The following PLOD3 variants were observed in gnomAD, a reference collection of about 807,000 sequenced individuals.
PLOD3 encodes procollagen-lysine,2-oxoglutarate 5-dioxygenase 3.
Under a neutral mutation model 96.9 loss-of-function variants are expected in PLOD3, and 73 were observed. The ratio of observed to expected loss-of-function variants is 0.75; its 90% confidence interval spans 0.62 to 0.92. The LOEUF is 0.92. Ranked by LOEUF, PLOD3 falls within the 40% of genes least tolerant of loss-of-function variation. PLOD3 has a pLI of 0.00. For missense variants in PLOD3, 1,004 were observed against 1,004.3 expected (o/e 1.00, Z 0.00); for synonymous variants, 454 against 413.7 (o/e 1.10, Z -1.18).
At position 101,217,471 on chromosome 7, in the gene PLOD3, C is replaced by G. The variant is rs1798298172; in HGVS notation, c.-197G>C. 1.9e-6 allele frequency: 1 copy of G among 515,088 alleles called. No homozygotes were observed. Among genetic ancestry groups the G allele is most frequent in the African/African-American group, 2.0e-5 (1 of 49,562 alleles). 31.9% of individuals were successfully genotyped at this position (515,088 alleles called of 1,614,324 possible). ...CAGAAAGCTCCAGATGCCGGCGCCA[C>G]AGACAAGGCGAGGATTGTCCCGGGC... is the stretch of plus-strand genomic sequence containing the variant. On this transcript the variant is annotated 5_prime_UTR_variant, in exon 1 of 19. Transcript: ENST00000223127.
chr7:101,210,679 G>A lies in PLOD3; in HGVS notation c.1359-6C>T. 2 of 1,613,562 alleles carry A rather than the reference G, an allele frequency of 1.2e-6. No individual in the cohort carries two copies. Among genetic ancestry groups the A allele is most frequent in the Non-Finnish European group, 1.7e-6 (2 of 1,179,806 alleles). ...ATGGTACATTCCACACACCCCTGGA[G>A]GCACCGACACCGCGGTCAGCTGGGA... On this transcript the variant is annotated splice_polypyrimidine_tract_variant and splice_region_variant and intron_variant, in intron 12 of 18. Coordinates refer to ENST00000223127, the MANE Select transcript of PLOD3 (RefSeq NM_001084.5).
chr7:101,212,425 C>A (rs368592873), intron 9 of PLOD3, 51 bp from the exon 10 acceptor site: 10 of 1,600,382 alleles, frequency 6.2e-6, no homozygotes, highest in South Asian at 2.2e-5. Context: ...GGAGGCGGCA[C>A]CTGAGGGATG....
Position 101,217,475 on chromosome 7 carries a change from C to A in PLOD3, c.-201G>T. 1 of 513,952 alleles carries A rather than the reference C, an allele frequency of 1.9e-6. No individual in the cohort carries two copies. The allele number at this position is 513,952 out of a possible 1,614,324, so 31.8% of individuals were successfully genotyped here. A position where few individuals can be genotyped will look rare whatever the true frequency, so the allele number is the denominator to read the frequency against. ...AAGCTCCAGATGCCGGCGCCACAGA[C>A]AAGGCGAGGATTGTCCCGGGCGCAC... is the stretch of plus-strand genomic sequence containing the variant. On this transcript the variant is annotated 5_prime_UTR_variant, in exon 1 of 19. Coordinates refer to ENST00000223127, the MANE Select transcript of PLOD3 (RefSeq NM_001084.5).
rs1444161633 is a variant in PLOD3, at chr7:101,217,248, C to A, written c.27G>T (p.Arg9=). ...GCAGCAGCGGCAGCAGCAGCAGGAACCGGGGTCCAGGCCCCGAGGAGGTCA... is the reference window on the plus strand; with the variant it reads ...GCAGCAGCGGCAGCAGCAGCAGGAAACGGGGTCCAGGCCCCGAGGAGGTCA... MTSSGPGP[R]FLLLLPLLLP... The change falls in exon 1 of 19, where the codon CGG becomes CGT. Residue 9 remains arginine, a synonymous_variant. Transcript: ENST00000223127. 13 of 1,495,832 alleles carry A rather than the reference C, an allele frequency of 8.7e-6. No individual in the cohort carries two copies. In the African/African-American group the frequency reaches 1.0e-4, roughly 12 times the overall value. 92.7% of individuals were successfully genotyped at this position (1,495,832 alleles called of 1,614,324 possible). A position where few individuals can be genotyped will look rare whatever the true frequency, so the allele number is the denominator to read the frequency against.
chr7:101,212,430 G>A lies in PLOD3; in HGVS notation c.1006-56C>T. 3.1e-6 allele frequency: 5 copies of A among 1,596,772 alleles called. No homozygotes were observed. The South Asian group carries it at 3.3e-5, about 11-fold the overall frequency. On this transcript the variant is annotated intron_variant, in intron 9 of 18. Transcript: ENST00000223127. ...CAGAGGGCAGGGAGGCGGCACCTGAGGGATGGGGGTGCAGGAAGGAGATGG... is the reference window on the plus strand; with the variant it reads ...CAGAGGGCAGGGAGGCGGCACCTGAAGGATGGGGGTGCAGGAAGGAGATGG...
chr7:101,215,934 G>A lies in PLOD3; in HGVS notation c.589C>T (p.Arg197Trp), dbSNP rs768748003. The A allele has an allele frequency of 9.3e-6, 15 of 1,613,210 alleles. No homozygotes were observed. The highest frequency in any genetic ancestry group is 1.7e-5 in the Admixed American group (1 of 60,010). The stretch of plus-strand genomic sequence containing the variant: ...CTCAGTCCTGGGTCCAGGTAGAGCC[G>A]TGTGTAGAACAGCTGGTCGTCGTCA... Reference protein sequence around the residue: ...DDDDDQLFYTRLYLDPGLREK... With the variant: ...DDDDDQLFYTWLYLDPGLREK... The change falls in exon 5 of 19, where the codon CGG becomes TGG. Residue 197 changes from arginine to tryptophan, a missense_variant. Coordinates refer to ENST00000223127, the MANE Select transcript of PLOD3 (RefSeq NM_001084.5).
At chr7:101,209,553 T>G (rs112481136) in intron 15 of PLOD3, among the ~76,000 whole-genome samples, 37 of 4,332 alleles carry the variant, frequency 8.5e-3, no homozygotes, top group Admixed American at 0.014. Context: ...AATTTTTGTG[T>G]TTTTTTTTTT....
rs1268519445 is a variant in PLOD3, at chr7:101,216,227, G to C, written c.438C>G (p.Pro146=). Residue 146 remains proline, a synonymous_variant, in exon 4 of 19, where the codon CCC becomes CCG. Transcript: ENST00000223127. ...GGTACTGCTCCGCCAGCCCCCACTC[G>C]GGCCAGCAGAAGCTCTCTGCAGAGA... ...LLFSAESFCW[P]EWGLAEQYPE... The C allele has an allele frequency of 3.1e-6, 5 of 1,613,696 alleles. No individual in the cohort carries two copies. The highest frequency in any genetic ancestry group is 1.3e-5 in the African/African-American group (1 of 74,928).
chr7:101,214,999 C>T (rs1798245902), intron 6 of PLOD3, 90 bp downstream of exon 6: 1 of 962,088 alleles, frequency 1.0e-6, no homozygotes, highest in Non-Finnish European at 1.7e-6. Context: ...GGGCTTGGAT[C>T]AGCCCAGCTC....
rs1798287479 is a variant in PLOD3, at chr7:101,216,965, C to A, written c.110-179G>T. 8 of 751,792 alleles carry A rather than the reference C, an allele frequency of 1.1e-5. No homozygotes were observed. In the South Asian group the frequency reaches 1.3e-4, roughly 12 times the overall value. The allele number at this position is 751,792 out of a possible 1,614,324, so 46.6% of individuals were successfully genotyped here. On this transcript the variant is annotated intron_variant, in intron 1 of 18. Coordinates refer to ENST00000223127, the MANE Select transcript of PLOD3 (RefSeq NM_001084.5). ...GGGTGGGAGTGGTGCCCAGGAATTC[C>A]GAGTCCCTTTGCATAGGGAGGCTGG...
intron 7 of PLOD3, 32 bp downstream of exon 7, chr7:101,213,075 G>T: frequency 6.7e-7 from 1 of 1,491,010 alleles, no homozygotes; most frequent in Non-Finnish European, 9.3e-7. Flanking sequence ...GTTGGGGCAG[G>T]GCGGGGCGGG....
intron 12 of PLOD3, 73 bp from the exon 13 acceptor site, chr7:101,210,746 C>A: frequency 6.4e-7 from 1 of 1,554,310 alleles, no homozygotes; most frequent in Non-Finnish European, 8.8e-7. Context: ...CCGGGAAGTC[C>A]TTCTTCCCTC....
intron 6 of PLOD3, among the ~76,000 whole-genome samples, chr7:101,214,559 C>T (rs991227508): frequency 6.6e-6 from 1 of 151,974 alleles, no homozygotes; most frequent in Non-Finnish European, 1.5e-5. Context: ...AGAAGTAGAC[C>T]GGGCACAGTG....
Position 101,206,897 on chromosome 7 carries a change from G to A in PLOD3, c.1943C>T (p.Ala648Val), listed in dbSNP as rs779308242. ...GTAGCGAACCACAAAGTTCATCACC[G>A]CCCGCGCCTGGGGGAGAGGAGGGAA... The part of the protein sequence containing the change: ...LFPGYHTKAR[A>V]VMNFVVRYRP... Residue 648 changes from alanine (A) to valine (V), a missense_variant, in exon 18 of 19, where the codon GCG becomes GTG. Ala to Val is a moderately conservative substitution (Grantham distance 64). This residue lies in a region of PLOD3 where 222 missense variants were observed against 220.4 expected (regional missense o/e 1.01). Transcript: ENST00000223127. 28 of 1,556,854 alleles carry A rather than the reference G, an allele frequency of 1.8e-5. No homozygotes were observed. Among genetic ancestry groups the A allele is most frequent in the Middle Eastern group, 3.3e-4 (2 of 5,988 alleles).
chr7:101,215,080 C>T lies in PLOD3; in HGVS notation c.679+9G>A. ...CGCATCGCCCACCTGCGGCTGTCTT[C>T]CTCCTCACCTAAAGCCCCGTTGAGG... is the stretch of plus-strand genomic sequence containing the variant. On this transcript the variant is annotated intron_variant, in intron 6 of 18. Coordinates refer to ENST00000223127, the MANE Select transcript of PLOD3 (RefSeq NM_001084.5). 6.2e-7 allele frequency: 1 copy of T among 1,606,806 alleles called. No individual in the cohort carries two copies. Among genetic ancestry groups the T allele is most frequent in the African/African-American group, 1.3e-5 (1 of 74,944 alleles).
Position 101,207,733 on chromosome 7 carries a change from G to A in PLOD3, c.1789-9C>T, listed in dbSNP as rs771742166. 10 of 1,613,438 alleles carry A rather than the reference G, an allele frequency of 6.2e-6. No homozygotes were observed. Among genetic ancestry groups the A allele is most frequent in the Admixed American group, 3.3e-5 (2 of 59,974 alleles). On this transcript the variant is annotated splice_polypyrimidine_tract_variant and intron_variant, in intron 16 of 18. Coordinates refer to ENST00000223127, the MANE Select transcript of PLOD3 (RefSeq NM_001084.5). ...CCAGCCAGCCTTGAATCCTGGGGGCGGCGGGCACTGAGCCACCCGCCCCTC... is the reference window on the plus strand; with the variant it reads ...CCAGCCAGCCTTGAATCCTGGGGGCAGCGGGCACTGAGCCACCCGCCCCTC...
chr7:101,209,897 G>C, intron 15 of PLOD3, 196 bp downstream of exon 15: 1 of 581,294 alleles, frequency 1.7e-6, no homozygotes, highest in South Asian at 2.2e-5. Flanking sequence ...CAATATACAG[G>C]AGAAGAGGCT....
rs941657563 is a variant in PLOD3, at chr7:101,212,087, G to C, written c.1128-137C>G. The C allele has an allele frequency of 2.8e-6, 3 of 1,063,578 alleles. No individual in the cohort carries two copies. In the Admixed American group the frequency reaches 5.7e-5, roughly 20 times the overall value. 65.9% of individuals were successfully genotyped at this position (1,063,578 alleles called of 1,614,324 possible). A position where few individuals can be genotyped will look rare whatever the true frequency, so the allele number is the denominator to read the frequency against. The stretch of plus-strand genomic sequence containing the variant: ...CCCAGGCTCTCTGCTGTCTGGGTGA[G>C]CTGGCAAGGGCAGGAGTGACAGCAT... On this transcript the variant is annotated intron_variant, in intron 10 of 18. Coordinates refer to ENST00000223127, the MANE Select transcript of PLOD3 (RefSeq NM_001084.5).
chr7:101,213,492 TTC>T (rs1187793047), intron 6 of PLOD3: 38 of 466,952 alleles, frequency 8.1e-5, no homozygotes, highest in East Asian at 3.5e-4. Context: ...CCTCCTCATA[TTC>T]TCTCTCTCCT....
Sources: allele counts gnomAD v4.1 joint callset (sites outside exome capture counted in the v4.1 genomes callset), GRCh38; gene constraint gnomAD v4.1.1; regional missense constraint gnomAD v4.1.1; transcripts MANE v1.5; gene names NCBI Gene and HGNC (gene_info 2026-07-23, HGNC 2026-07-21).